Variants in CABIN1 observed in about 807,000 individuals in gnomAD.
The protein encoded by CABIN1 is calcineurin-binding protein cabin-1.
A neutral mutation model predicts 227.7 loss-of-function variants in CABIN1; 133 were observed. That is an observed-to-expected ratio of 0.58 (90% CI 0.51 to 0.67). The LOEUF (loss-of-function observed/expected upper bound fraction) is 0.67, where lower values mean the gene tolerates loss of function less well. Ranked by LOEUF, CABIN1 falls within the 30% of genes least tolerant of loss-of-function variation. The probability of loss-of-function intolerance (pLI) is 0.00; values close to 1 mark genes in which losing one functional copy is unlikely to be tolerated. For synonymous variants in CABIN1, 1,086 were observed against 1,155.1 expected (o/e 0.94, Z 1.21); for missense variants, 2,408 against 2,852.5 (o/e 0.84, Z 3.55).
At chr22:24,115,376 A>G (rs1644115146) in intron 27 of CABIN1, among the ~76,000 whole-genome samples, 1 of 152,192 alleles carries the variant, frequency 6.6e-6, no homozygotes, top group Admixed American at 6.5e-5. Flanking sequence ...TGGTTTAAGC[A>G]GACAGTTTGT....
At chr22:24,027,691 A>G (rs2036193208) in intron 1 of CABIN1, among the ~76,000 whole-genome samples, 1 of 152,246 alleles carries the variant, frequency 6.6e-6, no homozygotes, top group Admixed American at 6.5e-5. Context: ...TACAGAAGTG[A>G]GTTCATCCCC....
chr22:24,165,477 A>T, intron 30 of CABIN1, 53 bp from the exon 31 acceptor site: 1 of 1,470,380 alleles, frequency 6.8e-7, no homozygotes, highest in Non-Finnish European at 9.4e-7. Flanking sequence ...CAGCAGTGCC[A>T]TGTGGTGTCA....
At chr22:24,129,535 CA>C (rs1369706578) in intron 28 of CABIN1, among the ~76,000 whole-genome samples, 34 of 152,356 alleles carry the variant, frequency 2.2e-4, no homozygotes, top group African/African-American at 7.9e-4. Flanking sequence ...TATGAAAGGT[CA>C]GACTGCTCAG....
chr22:24,109,619 T>C (rs898282263), intron 26 of CABIN1, among the ~76,000 whole-genome samples: 15 of 152,108 alleles, frequency 9.9e-5, no homozygotes, highest in African/African-American at 3.6e-4. Context: ...ACCAGGCTTT[T>C]AAGGTAGCTG....
At chr22:24,045,862 C>T (rs1181310715) in intron 6 of CABIN1, among the ~76,000 whole-genome samples, 1 of 152,182 alleles carries the variant, frequency 6.6e-6, no homozygotes, top group Admixed American at 6.5e-5. Context: ...TTCTCACCTC[C>T]AGTTCTTGTT....
chr22:24,166,260 C>A (rs899249214), intron 31 of CABIN1, among the ~76,000 whole-genome samples: 2 of 152,176 alleles, frequency 1.3e-5, no homozygotes, highest in Non-Finnish European at 2.9e-5. Context: ...CTGGGCAGGT[C>A]CCCTCCCATA....
In CABIN1 at chr22:24,064,192, G is replaced by A; in HGVS notation, c.2037+5G>A. The A allele has an allele frequency of 6.2e-7, 1 of 1,614,126 alleles. No homozygotes were observed. The highest frequency in any genetic ancestry group is 8.5e-7 in the Non-Finnish European group (1 of 1,180,024). On this transcript the variant is annotated splice_donor_5th_base_variant and intron_variant, in intron 15 of 36. Coordinates refer to ENST00000263119, the MANE Select transcript of CABIN1 (RefSeq NM_012295.4). ...TCTGTGGTTTCCCTGGAGGAGGTAA[G>A]TGAGAATTTTCGTTTGTTTGTTTGT... is the stretch of plus-strand genomic sequence containing the variant.
chr22:24,126,658 T>C (rs2043743471), intron 28 of CABIN1, among the ~76,000 whole-genome samples: 1 of 151,814 alleles, frequency 6.6e-6, no homozygotes, highest in African/African-American at 2.4e-5. Flanking sequence ...TCAGGGCAAG[T>C]TTTGGCAGGG....
At chr22:24,045,064 C>T (rs779904156) in intron 6 of CABIN1, among the ~76,000 whole-genome samples, 6 of 152,064 alleles carry the variant, frequency 3.9e-5, no homozygotes, top group Non-Finnish European at 8.8e-5. Flanking sequence ...GGACTACAGG[C>T]ACCCACCACC....
chr22:24,157,505 C>G (rs1180826204), intron 29 of CABIN1, among the ~76,000 whole-genome samples: 1 of 152,176 alleles, frequency 6.6e-6, no homozygotes, highest in Non-Finnish European at 1.5e-5. Flanking sequence ...GTAGTCTTGG[C>G]TCCCTGCAGG....
At chr22:24,130,769 A>G (rs893666820) in intron 28 of CABIN1, among the ~76,000 whole-genome samples, 1 of 152,044 alleles carries the variant, frequency 6.6e-6, no homozygotes, top group Admixed American at 6.6e-5. Flanking sequence ...AGCTGTCTGG[A>G]CACTTTGTGC....
intron 10 of CABIN1, 175 bp downstream of exon 10, chr22:24,056,535 T>A: frequency 1.5e-6 from 1 of 650,602 alleles, no homozygotes; most frequent in Non-Finnish European, 2.6e-6. Flanking sequence ...TCTTGGATTT[T>A]TCTCGCCTCT....
Position 24,087,412 on chromosome 22 carries a change from G to T in CABIN1, c.3264-40G>T, listed in dbSNP as rs772265575. 1.5e-5 allele frequency: 24 copies of T among 1,610,124 alleles called. No homozygotes were observed. In the Admixed American group the frequency reaches 2.7e-4, roughly 18 times the overall value. ...TGTCATTATCTTCCATGCTTTTCATGTAGTGTTGTTTTTAGCTGGTGCTTT... is the reference window on the plus strand; with the variant it reads ...TGTCATTATCTTCCATGCTTTTCATTTAGTGTTGTTTTTAGCTGGTGCTTT... On this transcript the variant is annotated intron_variant, in intron 22 of 36. Coordinates refer to ENST00000263119, the MANE Select transcript of CABIN1 (RefSeq NM_012295.4).
chr22:24,125,371 G>T (rs2043656153), intron 28 of CABIN1, among the ~76,000 whole-genome samples: 1 of 152,218 alleles, frequency 6.6e-6, no homozygotes, highest in Non-Finnish European at 1.5e-5. Context: ...TTGCCCCCCT[G>T]TTGTGAGTAC....
At chr22:24,154,678 G>C (rs1186741107) in intron 29 of CABIN1, among the ~76,000 whole-genome samples, 3 of 152,224 alleles carry the variant, frequency 2.0e-5, no homozygotes, top group Admixed American at 2.0e-4. Context: ...ATCCCTCGAG[G>C]AGATCCTGAG....
chr22:24,164,342 TC>T, intron 29 of CABIN1, 57 bp from the exon 30 acceptor site: 1 of 1,591,356 alleles, frequency 6.3e-7, no homozygotes, highest in Non-Finnish European at 8.5e-7. Context: ...AGACAGGGTG[TC>T]CCCGAGGCTC....
intron 18 of CABIN1, among the ~76,000 whole-genome samples, chr22:24,075,660 G>T (rs953875967): frequency 6.6e-6 from 1 of 151,984 alleles, no homozygotes; most frequent in African/African-American, 2.4e-5. Flanking sequence ...CAGGAAGATT[G>T]TGTGAGTCCA....
intron 26 of CABIN1, among the ~76,000 whole-genome samples, 171 bp from the exon 27 acceptor site, chr22:24,113,395 C>T (rs1274058225): frequency 1.3e-5 from 2 of 152,182 alleles, no homozygotes; most frequent in South Asian, 2.1e-4. Context: ...TGAGTTGCTC[C>T]GTGGCCTCTG....
In CABIN1 at chr22:24,060,146, G is replaced by C; in HGVS notation, c.1617+5G>C. ...TGCAGCAACAAGCACATCAAGGTTA[G>C]GGGGAGCCTCTCAAGGGCTGGTATT... On this transcript the variant is annotated splice_donor_5th_base_variant and intron_variant, in intron 12 of 36. Coordinates refer to ENST00000263119, the MANE Select transcript of CABIN1 (RefSeq NM_012295.4). 1 of 1,612,728 alleles carries C rather than the reference G, an allele frequency of 6.2e-7. No individual in the cohort carries two copies. Among genetic ancestry groups the C allele is most frequent in the Non-Finnish European group, 8.5e-7 (1 of 1,179,754 alleles).
Sources: gnomAD v4.1 joint callset for allele counts (sites outside exome capture counted in the v4.1 genomes callset) on GRCh38, gnomAD v4.1.1 for gene constraint, MANE v1.5 for transcripts, NCBI Gene and HGNC (gene_info 2026-07-23, HGNC 2026-07-21) for gene names.